Variants in XRCC3 observed in about 807,000 individuals in gnomAD.
XRCC3 encodes X-ray repair cross complementing 3.
Under a neutral mutation model 29.2 loss-of-function variants are expected in XRCC3, and 34 were observed. That is an observed-to-expected ratio of 1.16 (90% CI 0.88 to 1.55). The LOEUF (loss-of-function observed/expected upper bound fraction) is 1.55, where lower values mean the gene tolerates loss of function less well. Ranked by LOEUF, XRCC3 falls within the 40% of genes most tolerant of loss-of-function variation. The pLI is 0.00. For synonymous variants in XRCC3, 223 were observed against 211.3 expected (o/e 1.06, Z -0.48); for missense variants, 463 against 467.6 (o/e 0.99, Z 0.09).
At position 103,711,106 on chromosome 14, in the gene XRCC3, A is replaced by ACC; in HGVS notation, c.-21_-20dup. 6.2e-7 allele frequency: 1 copy of ACC among 1,614,046 alleles called. No individual in the cohort carries two copies. Among genetic ancestry groups the ACC allele is most frequent in the Non-Finnish European group, 8.5e-7 (1 of 1,179,896 alleles). On this transcript the variant is annotated 5_prime_UTR_variant, in exon 4 of 10. Transcript: ENST00000555055. ...AATCCATTTTGTCGGTGGGCTGGCCACCAGGATGAATAACTTCCCAGGAAA... is the reference window on the plus strand; with the variant it reads ...AATCCATTTTGTCGGTGGGCTGGCCACCCCAGGATGAATAACTTCCCAGGAAA...
At chr14:103,712,163 G>A (rs2083659416) in intron 2 of XRCC3, 2 of 183,040 alleles carry the variant, frequency 1.1e-5, no homozygotes, top group Admixed American at 5.4e-5. Flanking sequence ...CCCGTGAGGC[G>A]GGCAGGGCAG....
intron 2 of XRCC3, 115 bp downstream of exon 2, chr14:103,712,760 C>T (rs1223240030): frequency 2.0e-5 from 3 of 152,420 alleles, no homozygotes; most frequent in Non-Finnish European, 4.4e-5. Context: ...CAGCGGGACG[C>T]TGGCAGGAGC....
At chr14:103,701,953 A>G (rs1160516581) in intron 7 of XRCC3, 2 of 151,986 alleles carry the variant, frequency 1.3e-5, no homozygotes, top group African/African-American at 2.4e-5. Context: ...TGGGCTGGAC[A>G]TGGCAGCCGC....
In XRCC3 at chr14:103,698,076, T is replaced by G. The variant is rs1249894538; in HGVS notation, c.*722A>C. 6.5e-6 allele frequency: 1 copy of G among 153,216 alleles called. No individual in the cohort carries two copies. The highest frequency in any genetic ancestry group is 1.5e-5 in the Non-Finnish European group (1 of 68,802). The allele number at this position is 153,216 out of a possible 1,614,324, so 9.5% of individuals were successfully genotyped here. On this transcript the variant is annotated 3_prime_UTR_variant, in exon 10 of 10. Coordinates refer to ENST00000555055, the MANE Select transcript of XRCC3 (RefSeq NM_005432.4). ...TGACGAGCCTGTCACGTGCCAGCCCTGCGCTGCCTGCGCTCCTCTGACCGG... is the reference window on the plus strand; with the variant it reads ...TGACGAGCCTGTCACGTGCCAGCCCGGCGCTGCCTGCGCTCCTCTGACCGG...
chr14:103,708,640 C>T lies in XRCC3; in HGVS notation c.75G>A (p.Lys25=), dbSNP rs770282151. The change falls in exon 5 of 10, where the codon AAG becomes AAA. Residue 25 remains lysine, a synonymous_variant. Transcript: ENST00000555055. ...AIKKAKLKSV[K]EVLHFSGPDL... is the part of the protein sequence containing the mutation. Reference sequence around the variant, plus strand: ...CTGGTCCAGAAAAGTGTAAAACCTCCTTTACCGATTTCAGTTTGGCTGAAA... The same window carrying T: ...CTGGTCCAGAAAAGTGTAAAACCTCTTTTACCGATTTCAGTTTGGCTGAAA... 1.2e-6 allele frequency: 2 copies of T among 1,614,222 alleles called. No homozygotes were observed. Among genetic ancestry groups the T allele is most frequent in the Non-Finnish European group, 1.7e-6 (2 of 1,180,034 alleles).
At chr14:103,703,648 C>A (rs531475399) in intron 6 of XRCC3, 2 of 399,290 alleles carry the variant, frequency 5.0e-6, no homozygotes, top group East Asian at 5.5e-5. Context: ...GCCCCTCCTT[C>A]CCCCTGTGAA....
chr14:103,701,540 C>T (rs914110460), intron 7 of XRCC3: 12 of 314,426 alleles, frequency 3.8e-5, no homozygotes, highest in African/African-American at 2.6e-4. Flanking sequence ...AGTTTATATG[C>T]CTTATGCTTT....
At chr14:103,708,152 C>T in intron 5 of XRCC3, 1 of 365,390 alleles carries the variant, frequency 2.7e-6, no homozygotes, top group South Asian at 2.3e-5. Flanking sequence ...CCTGGTTTCC[C>T]ACACGTGGTG....
chr14:103,706,793 C>T lies in XRCC3; in HGVS notation c.406+210G>A. 4 of 657,356 alleles carry T rather than the reference C, an allele frequency of 6.1e-6. No individual in the cohort carries two copies. The South Asian group carries it at 7.1e-5, about 12-fold the overall frequency. 40.7% of individuals were successfully genotyped at this position (657,356 alleles called of 1,614,324 possible). The stretch of plus-strand genomic sequence containing the variant: ...GGCTGCCTGGTGGTGGGGTTCGTAC[C>T]CTCCCACCCCTCCTGCTGTCAGCTG... On this transcript the variant is annotated intron_variant, in intron 6 of 9. Coordinates refer to ENST00000555055, the MANE Select transcript of XRCC3 (RefSeq NM_005432.4).
chr14:103,699,637 C>A, intron 7 of XRCC3, 61 bp from the exon 8 acceptor site: 1 of 1,563,430 alleles, frequency 6.4e-7, no homozygotes, highest in Non-Finnish European at 8.8e-7. Context: ...GGTGACCAGA[C>A]CCCGTTTGGA....
intron 4 of XRCC3, chr14:103,710,662 AC>A (rs1270533923): frequency 9.5e-6 from 2 of 210,542 alleles, no homozygotes; most frequent in Non-Finnish European, 1.9e-5. Flanking sequence ...AATGGTGTGA[AC>A]CCCGGGAGGC....
intron 5 of XRCC3, chr14:103,707,752 C>A: frequency 4.9e-6 from 1 of 202,498 alleles, no homozygotes; most frequent in Non-Finnish European, 1.0e-5. Flanking sequence ...TCCACGACAC[C>A]GAAGCCCCTC....
intron 7 of XRCC3, chr14:103,700,419 G>T (rs969421943): frequency 1.3e-5 from 6 of 462,746 alleles, no homozygotes; most frequent in Non-Finnish European, 2.3e-5. Context: ...CGCACAGCTT[G>T]GTGAGCCATG....
chr14:103,701,181 CCTT>C, intron 7 of XRCC3: 1 of 1,550,616 alleles, frequency 6.4e-7, no homozygotes, highest in East Asian at 2.4e-5. Flanking sequence ...CCAGCCCTGA[CCTT>C]CTATCTTCTC....
At chr14:103,708,265 C>T in intron 5 of XRCC3, 1 of 545,996 alleles carries the variant, frequency 1.8e-6, no homozygotes, top group South Asian at 2.0e-5. Context: ...TCCTGCACCC[C>T]CTCCTCTGGT....
Position 103,707,083 on chromosome 14 carries a change from C to A in XRCC3, c.326G>T (p.Ser109Ile), listed in dbSNP as rs1297515413. The A allele has an allele frequency of 3.9e-6, 6 of 1,558,026 alleles. No individual in the cohort carries two copies. The African/African-American group carries it at 8.2e-5, about 21-fold the overall frequency. The part of the protein sequence containing the change: ...LDGITELAGR[S>I]SAGKTQLALQ... ...CGCCAGCTGGGTCTTCCCTGCCGAG[C>A]TGCGTCCGGCCAGCTCAGTGATGCC... Residue 109 changes from serine (S) to isoleucine (I), a missense_variant, in exon 6 of 10, where the codon AGC becomes ATC. Transcript: ENST00000555055.
intron 7 of XRCC3, chr14:103,700,749 C>G (rs1337164872): frequency 6.5e-7 from 1 of 1,549,318 alleles, no homozygotes; most frequent in South Asian, 1.2e-5. Context: ...GGCCTGCAGC[C>G]CCAGGAAGCA....
intron 7 of XRCC3, chr14:103,700,610 C>T (rs776003091): frequency 2.0e-6 from 3 of 1,526,512 alleles, no homozygotes; most frequent in South Asian, 2.3e-5. Context: ...CGCCTGAGGG[C>T]CGCCTGCACG....
chr14:103,698,600 G>T lies in XRCC3; in HGVS notation c.*198C>A. On this transcript the variant is annotated 3_prime_UTR_variant, in exon 10 of 10. Coordinates refer to ENST00000555055, the MANE Select transcript of XRCC3 (RefSeq NM_005432.4). ...GGCCTGTCCCCAGACCCAGGGAGAG[G>T]CAGAACATCCCCCCAGCTCAGATGG... The T allele has an allele frequency of 1.6e-6, 1 of 619,508 alleles. No homozygotes were observed. The allele number at this position is 619,508 out of a possible 1,614,324, so 38.4% of individuals were successfully genotyped here. A position where few individuals can be genotyped will look rare whatever the true frequency, so the allele number is the denominator to read the frequency against.
Sources: allele counts gnomAD v4.1 joint callset, GRCh38; gene constraint gnomAD v4.1.1; transcripts MANE v1.5; gene names NCBI Gene and HGNC (gene_info 2026-07-23, HGNC 2026-07-21).